The following ARHGAP15 variants were observed in gnomAD, a reference collection of about 807,000 sequenced individuals.
The protein encoded by ARHGAP15 is rho GTPase-activating protein 15.
A neutral mutation model predicts 63.7 loss-of-function variants in ARHGAP15; 51 were observed. The observed-to-expected ratio is 0.80, with a 90% confidence interval of 0.64 to 1.01. The LOEUF is 1.01. Among genes scored for constraint, ARHGAP15 ranks in the 50% least tolerant of loss-of-function variants. The probability of loss-of-function intolerance (pLI) is 0.00; values close to 1 mark genes in which losing one functional copy is unlikely to be tolerated. For missense variants in ARHGAP15, 560 were observed against 564.6 expected, an observed-to-expected ratio of 0.99 and a Z score of 0.08; for synonymous variants, 191 against 193.8, an observed-to-expected ratio of 0.99 and a Z score of 0.12.
At chr2:143,656,799 G>C (rs1681457177) in intron 12 of ARHGAP15, among the ~76,000 whole-genome samples, 1 of 152,172 alleles carries the variant, frequency 6.6e-6, no homozygotes, top group Non-Finnish European at 1.5e-5. Context: ...CTGGCCTCCT[G>C]AGTCAGAGAA....
At chr2:143,147,076 G>A (rs1347906790) in intron 1 of ARHGAP15, among the ~76,000 whole-genome samples, 2 of 152,042 alleles carry the variant, frequency 1.3e-5, no homozygotes, top group Non-Finnish European at 2.9e-5. Flanking sequence ...TTGCGACTGG[G>A]TCAAGCACTT....
chr2:143,758,125 CTTT>C (rs1057232327), intron 13 of ARHGAP15, among the ~76,000 whole-genome samples: 25 of 151,848 alleles, frequency 1.6e-4, no homozygotes, highest in African/African-American at 6.0e-4. Flanking sequence ...AATATAACAA[CTTT>C]TTTAAAAGAA....
At chr2:143,351,018 T>C (rs1685545995) in intron 6 of ARHGAP15, 1 of 152,060 alleles carries the variant, frequency 6.6e-6, no homozygotes, top group African/African-American at 2.4e-5. Flanking sequence ...GCTTATATAG[T>C]ACCCAGAAGG....
At chr2:143,209,883 A>C (rs757758229) in intron 3 of ARHGAP15, among the ~76,000 whole-genome samples, 3 of 152,152 alleles carry the variant, frequency 2.0e-5, no homozygotes, top group Non-Finnish European at 4.4e-5. Context: ...GAAGCCATTG[A>C]AACACAGAAA....
chr2:143,709,769 GT>G (rs1441430581), intron 13 of ARHGAP15, among the ~76,000 whole-genome samples: 1 of 152,106 alleles, frequency 6.6e-6, no homozygotes, highest in Non-Finnish European at 1.5e-5. Context: ...AAATATAAGG[GT>G]TGTATCAGAA....
chr2:143,500,861 C>T (rs928002204), intron 9 of ARHGAP15, among the ~76,000 whole-genome samples: 1 of 152,140 alleles, frequency 6.6e-6, no homozygotes, highest in Non-Finnish European at 1.5e-5. Flanking sequence ...CATTCTCTTT[C>T]AACAGTTGTT....
intron 2 of ARHGAP15, among the ~76,000 whole-genome samples, chr2:143,174,842 G>C (rs1690949061): frequency 1.3e-5 from 2 of 151,998 alleles, no homozygotes; most frequent in Non-Finnish European, 2.9e-5. Context: ...CTATAATGAA[G>C]TCTTTATACA....
At chr2:143,599,610 T>G (rs950784435) in intron 11 of ARHGAP15, among the ~76,000 whole-genome samples, 13 of 152,064 alleles carry the variant, frequency 8.5e-5, no homozygotes, top group African/African-American at 2.9e-4. Flanking sequence ...AAATAATACA[T>G]GAGAAAGAAA....
chr2:143,505,718 C>T (rs1693280558), intron 9 of ARHGAP15, among the ~76,000 whole-genome samples: 1 of 152,184 alleles, frequency 6.6e-6, no homozygotes, highest in African/African-American at 2.4e-5. Flanking sequence ...CACATGATTC[C>T]CTGGCTCTTA....
At chr2:143,511,871 A>G (rs1182938099) in intron 9 of ARHGAP15, among the ~76,000 whole-genome samples, 1 of 152,228 alleles carries the variant, frequency 6.6e-6, no homozygotes, top group Non-Finnish European at 1.5e-5. Context: ...AGTGTAGTTA[A>G]ATCTCTGATT....
intron 6 of ARHGAP15, among the ~76,000 whole-genome samples, chr2:143,355,801 C>T (rs1331566464): frequency 6.6e-6 from 1 of 152,070 alleles, no homozygotes; most frequent in Non-Finnish European, 1.5e-5. Context: ...ATTATATCTG[C>T]ACCTGATGTT....
At chr2:143,426,710 G>A (rs12105739) in intron 6 of ARHGAP15, among the ~76,000 whole-genome samples, 15,158 of 152,142 alleles carry the variant, frequency 0.1, 975 homozygotes, top group Middle Eastern at 0.15. Flanking sequence ...ACTTTGGGTA[G>A]CGAGTCCCCA....
At chr2:143,500,718 C>T (rs1693018607) in intron 9 of ARHGAP15, among the ~76,000 whole-genome samples, 1 of 152,174 alleles carries the variant, frequency 6.6e-6, no homozygotes, top group African/African-American at 2.4e-5. Flanking sequence ...CTTCATGAAG[C>T]ATACAGCCGT....
chr2:143,158,430 A>G (rs1321882729), intron 2 of ARHGAP15, among the ~76,000 whole-genome samples: 1 of 151,944 alleles, frequency 6.6e-6, no homozygotes, highest in African/African-American at 2.4e-5. Context: ...GATAACCTAA[A>G]TGTTGCAGGA....
intron 6 of ARHGAP15, among the ~76,000 whole-genome samples, chr2:143,357,078 T>G (rs1015751403): frequency 1.3e-4 from 20 of 152,230 alleles, no homozygotes; most frequent in African/African-American, 4.6e-4. Context: ...CACACCTGAA[T>G]ATGGATTACT....
At chr2:143,169,479 T>C (rs1690682894) in intron 2 of ARHGAP15, among the ~76,000 whole-genome samples, 1 of 152,102 alleles carries the variant, frequency 6.6e-6, no homozygotes, top group African/African-American at 2.4e-5. Flanking sequence ...CTCCTTTCAG[T>C]ATAACTTTTC....
At chr2:143,414,894 A>G (rs1412344362) in intron 6 of ARHGAP15, among the ~76,000 whole-genome samples, 2 of 152,156 alleles carry the variant, frequency 1.3e-5, no homozygotes, top group East Asian at 1.9e-4. Context: ...ACACCACTGC[A>G]CTCCAGCCCG....
intron 2 of ARHGAP15, among the ~76,000 whole-genome samples, chr2:143,194,525 A>G (rs910510103): frequency 2.6e-5 from 4 of 152,172 alleles, no homozygotes; most frequent in African/African-American, 9.7e-5. Context: ...TTCTCATTAT[A>G]TCAATTTAGA....
intron 13 of ARHGAP15, among the ~76,000 whole-genome samples, chr2:143,761,738 G>A (rs934677209): frequency 2.0e-5 from 3 of 152,002 alleles, no homozygotes; most frequent in Admixed American, 6.6e-5. Flanking sequence ...TTTCTTTTCC[G>A]GGGGTCCAAC....
Sources: allele counts gnomAD v4.1 joint callset (sites outside exome capture counted in the v4.1 genomes callset), GRCh38; gene constraint gnomAD v4.1.1; transcripts MANE v1.5; gene names NCBI Gene and HGNC (gene_info 2026-07-23, HGNC 2026-07-21).